The following SH3PXD2A variants were observed in gnomAD, a reference collection of about 807,000 sequenced individuals.
SH3PXD2A encodes SH3 and PX domain-containing protein 2A.
Under a neutral mutation model 115.2 loss-of-function variants are expected in SH3PXD2A, and 32 were observed. The ratio of observed to expected loss-of-function variants is 0.28; its 90% confidence interval spans 0.21 to 0.37. SH3PXD2A has a LOEUF of 0.37. Among genes scored for constraint, SH3PXD2A ranks in the 10% least tolerant of loss-of-function variants. The pLI is 1.00. For synonymous variants in SH3PXD2A, 610 were observed against 629.1 expected (o/e 0.97, Z 0.45); for missense variants, 1,328 against 1,498.7 (o/e 0.89, Z 1.88).
intron 4 of SH3PXD2A, among the ~76,000 whole-genome samples, chr10:103,728,937 G>GGCT (rs2038280459): frequency 7.1e-6 from 1 of 141,634 alleles, no homozygotes; most frequent in Non-Finnish European, 1.5e-5. Flanking sequence ...CTGTCACCCA[G>GGCT]GCTAGAGTGC....
rs1463471884 is a variant in SH3PXD2A, at chr10:103,595,027, G to T, written c.*6789C>A. 1 of 152,182 alleles carries T rather than the reference G, an allele frequency of 6.6e-6. No homozygotes were observed. The highest frequency in any genetic ancestry group is 1.9e-4 in the East Asian group (1 of 5,192). The allele number at this position is 152,182 out of a possible 1,614,324, so 9.4% of individuals were successfully genotyped here. A position where few individuals can be genotyped will look rare whatever the true frequency, so the allele number is the denominator to read the frequency against. On this transcript the variant is annotated 3_prime_UTR_variant, in exon 15 of 15. Coordinates refer to ENST00000369774, the MANE Select transcript of SH3PXD2A (RefSeq NM_001394015.1). ...CAACTTGAGAGACTGGCTTTGGATT[G>T]GACAGTCAAAGGGAAGTGGGCAAAA...
intron 1 of SH3PXD2A, among the ~76,000 whole-genome samples, chr10:103,842,783 G>A (rs2039613480): frequency 6.6e-6 from 1 of 152,140 alleles, no homozygotes; most frequent in South Asian, 2.1e-4. Flanking sequence ...CTCTAAACGG[G>A]CAGGGATTTT....
chr10:103,759,903 C>T (rs924804955), intron 3 of SH3PXD2A, among the ~76,000 whole-genome samples: 3 of 152,210 alleles, frequency 2.0e-5, no homozygotes, highest in African/African-American at 7.2e-5. Context: ...AGCAAGAGAC[C>T]TCAGAAAGCG....
intron 8 of SH3PXD2A, among the ~76,000 whole-genome samples, chr10:103,659,529 A>C (rs3781344): frequency 0.5 from 76,481 of 152,008 alleles, 19,665 homozygotes; most frequent in East Asian, 0.64. Context: ...TTGCTAGCTT[A>C]CTTTGCGGGC....
At chr10:103,635,781 C>A (rs2036855829) in intron 8 of SH3PXD2A, among the ~76,000 whole-genome samples, 1 of 152,248 alleles carries the variant, frequency 6.6e-6, no homozygotes, top group African/African-American at 2.4e-5. Context: ...CCAGCCCTTT[C>A]CAGATGGCAG....
At chr10:103,744,944 C>G (rs2038484431) in intron 3 of SH3PXD2A, among the ~76,000 whole-genome samples, 1 of 152,234 alleles carries the variant, frequency 6.6e-6, no homozygotes, top group Admixed American at 6.5e-5. Flanking sequence ...GAAACAATCC[C>G]TCCTTCATTC....
chr10:103,785,873 C>A (rs1029636900), intron 2 of SH3PXD2A, among the ~76,000 whole-genome samples: 3 of 151,614 alleles, frequency 2.0e-5, no homozygotes, highest in Non-Finnish European at 4.4e-5. Context: ...CTGGCAAAGA[C>A]AGAATCAGGG....
chr10:103,762,546 T>C (rs1480777024), intron 3 of SH3PXD2A, among the ~76,000 whole-genome samples: 5 of 152,204 alleles, frequency 3.3e-5, no homozygotes, highest in African/African-American at 1.2e-4. Flanking sequence ...GTGTCTGGGC[T>C]CTGGAGTAAC....
intron 3 of SH3PXD2A, 113 bp from the exon 4 acceptor site, chr10:103,735,921 A>G: frequency 2.4e-6 from 2 of 826,370 alleles, no homozygotes; most frequent in East Asian, 4.8e-5. Context: ...ACCTGCCACC[A>G]CCCCGTCCAC....
chr10:103,652,715 G>C lies in SH3PXD2A; in HGVS notation c.604+8268C>G, dbSNP rs902994. Among the ~76,000 whole-genome samples the C allele has an allele frequency of 4.4e-4, 67 of 152,186 alleles. No homozygotes were observed. In the South Asian group the frequency reaches 8.5e-3, roughly 19 times the overall value. ...TTTTCCCTGCACTTCAGCCGGGGAG[G>C]GGGGTGAGAGACCTGTCATTTCCAC... On this transcript the variant is annotated intron_variant, in intron 8 of 14. Coordinates refer to ENST00000369774, the MANE Select transcript of SH3PXD2A (RefSeq NM_001394015.1).
intron 1 of SH3PXD2A, among the ~76,000 whole-genome samples, chr10:103,833,664 A>T (rs2039503300): frequency 6.6e-6 from 1 of 152,202 alleles, no homozygotes; most frequent in South Asian, 2.1e-4. Flanking sequence ...AGATTGTTTC[A>T]GCTGGGATTT....
rs1294360809 is a variant in SH3PXD2A at position 103,598,565 on chromosome 10, A to G, written c.*3251T>C. On this transcript the variant is annotated 3_prime_UTR_variant, in exon 15 of 15. Coordinates refer to ENST00000369774, the MANE Select transcript of SH3PXD2A (RefSeq NM_001394015.1). ...ATACAGCAATACAGTGTCGTTTCAC[A>G]TTTTCAGTCGCAACTCATGGGAAAC... 6.6e-6 allele frequency: 1 copy of G among 152,616 alleles called. No homozygotes were observed. The highest frequency in any genetic ancestry group is 1.5e-5 in the Non-Finnish European group (1 of 68,036). The allele number at this position is 152,616 out of a possible 1,614,324, so 9.5% of individuals were successfully genotyped here. A position where few individuals can be genotyped will look rare whatever the true frequency, so the allele number is the denominator to read the frequency against.
chr10:103,623,731 AT>A (rs2036646387), intron 9 of SH3PXD2A, among the ~76,000 whole-genome samples: 1 of 152,178 alleles, frequency 6.6e-6, no homozygotes, highest in Non-Finnish European at 1.5e-5. Context: ...CTCTTTCCTC[AT>A]CTGTCTTACA....
At chr10:103,611,009 G>A (rs1390314051) in intron 13 of SH3PXD2A, among the ~76,000 whole-genome samples, 1 of 152,188 alleles carries the variant, frequency 6.6e-6, no homozygotes, top group Non-Finnish European at 1.5e-5. Context: ...CCTGGCCCCT[G>A]ATGCGTATCT....
At chr10:103,850,295 C>T (rs1223143731) in intron 1 of SH3PXD2A, among the ~76,000 whole-genome samples, 1 of 152,162 alleles carries the variant, frequency 6.6e-6, no homozygotes, top group Non-Finnish European at 1.5e-5. Context: ...CCCAAAAGCC[C>T]TCACTCAGCT....
At chr10:103,700,159 T>C (rs2037875447) in intron 5 of SH3PXD2A, among the ~76,000 whole-genome samples, 1 of 152,228 alleles carries the variant, frequency 6.6e-6, no homozygotes, top group African/African-American at 2.4e-5. Flanking sequence ...AGTTTTACCA[T>C]GTCCAGGCCT....
At position 103,844,310 on chromosome 10, in the gene SH3PXD2A, C is replaced by G. The variant is rs1327441015; in HGVS notation, c.72+10885G>C. On this transcript the variant is annotated intron_variant, in intron 1 of 14. Coordinates refer to ENST00000369774, the MANE Select transcript of SH3PXD2A (RefSeq NM_001394015.1). ...AGGCAGAATTCAGGACAGAGTTTCA[C>G]CCTCTCGGAGCTCCACTGCCAGCCC... Among the ~76,000 whole-genome samples the G allele has an allele frequency of 2.0e-5, 3 of 152,324 alleles. No individual in the cohort carries two copies. The East Asian group carries it at 5.8e-4, about 29-fold the overall frequency.
intron 2 of SH3PXD2A, among the ~76,000 whole-genome samples, chr10:103,778,056 G>A (rs1314150432): frequency 2.0e-5 from 3 of 152,148 alleles, no homozygotes; most frequent in East Asian, 1.9e-4. Context: ...TGGGCTGGGC[G>A]CAGTGACTCA....
rs1463458818 is a variant in SH3PXD2A at position 103,595,815 on chromosome 10, G to A, written c.*6001C>T. On this transcript the variant is annotated 3_prime_UTR_variant, in exon 15 of 15. Transcript: ENST00000369774. ...CAGGCTGGGATCAAGACCTTGGAAGGTAGGGCTCTCCACCCAGTCTGTAAG... is the reference window on the plus strand; with the variant it reads ...CAGGCTGGGATCAAGACCTTGGAAGATAGGGCTCTCCACCCAGTCTGTAAG... 1 of 152,634 alleles carries A rather than the reference G, an allele frequency of 6.6e-6. No individual in the cohort carries two copies. The highest frequency in any genetic ancestry group is 2.4e-5 in the African/African-American group (1 of 41,430). 9.5% of individuals were successfully genotyped at this position (152,634 alleles called of 1,614,324 possible). A position where few individuals can be genotyped will look rare whatever the true frequency, so the allele number is the denominator to read the frequency against.
Sources: allele counts gnomAD v4.1 joint callset (sites outside exome capture counted in the v4.1 genomes callset), GRCh38; gene constraint gnomAD v4.1.1; transcripts MANE v1.5; gene names NCBI Gene and HGNC (gene_info 2026-07-23, HGNC 2026-07-21).